The following CAPZA2 variants were observed in gnomAD, a reference collection of about 807,000 sequenced individuals.
CAPZA2 encodes the protein F-actin-capping protein subunit alpha-2.
Under a neutral mutation model 44.0 loss-of-function variants are expected in CAPZA2, and 13 were observed. That is an observed-to-expected ratio of 0.30 (90% CI 0.19 to 0.47). The LOEUF is 0.47. Among genes scored for constraint, CAPZA2 ranks in the 20% least tolerant of loss-of-function variants. The probability of loss-of-function intolerance (pLI) is 1.00; values close to 1 mark genes in which losing one functional copy is unlikely to be tolerated. For synonymous variants in CAPZA2, 94 were observed against 108.2 expected, an observed-to-expected ratio of 0.87 and a Z score of 0.81; for missense variants, 244 against 338.6, an observed-to-expected ratio of 0.72 and a Z score of 2.19.
At chr7:116,915,300 C>A (rs1386221638) in intron 8 of CAPZA2, among the ~76,000 whole-genome samples, 1 of 149,522 alleles carries the variant, frequency 6.7e-6, no homozygotes, top group Non-Finnish European at 1.5e-5. Context: ...GAGACCCTGT[C>A]TCAAAAAAAA....
rs551489016 is a variant in CAPZA2, at chr7:116,894,000, T to C, written c.155+955T>C. 2.0e-5 allele frequency among the ~76,000 whole-genome samples: 3 copies of C among 151,836 alleles called. No individual in the cohort carries two copies. In the East Asian group the frequency reaches 5.8e-4, roughly 29 times the overall value. On this transcript the variant is annotated intron_variant, in intron 3 of 9. Coordinates refer to ENST00000361183, the MANE Select transcript of CAPZA2 (RefSeq NM_006136.3). ...GAAAATGATGAAGTAGTGCATTCTT[T>C]CTTACAAAGAAAGTTTAGTATCCAT...
chr7:116,906,546 C>T, intron 6 of CAPZA2: 1 of 866,384 alleles, frequency 1.2e-6, no homozygotes, highest in African/African-American at 1.7e-5. Flanking sequence ...TGTTGACATT[C>T]AGTGGAAAGA....
chr7:116,909,286 GCT>G (rs1489259340), intron 6 of CAPZA2, among the ~76,000 whole-genome samples: 2 of 152,048 alleles, frequency 1.3e-5, no homozygotes, highest in African/African-American at 4.8e-5. Flanking sequence ...GTTCAAAAAA[GCT>G]AACATATTAG....
At position 116,904,969 on chromosome 7, in the gene CAPZA2, T is replaced by TAAAAAA. The variant is rs371485695; in HGVS notation, c.426+601_426+606dup. Among the ~76,000 whole-genome samples the TAAAAAA allele has an allele frequency of 2.2e-3, 208 of 95,546 alleles. 2 individuals carry two copies. Among genetic ancestry groups the TAAAAAA allele is most frequent in the Middle Eastern group, 5.4e-3 (1 of 186 alleles). 62.7% of individuals were successfully genotyped at this position (95,546 alleles called of 152,430 possible). A position where few individuals can be genotyped will look rare whatever the true frequency, so the allele number is the denominator to read the frequency against. ...AGCATGGTGAAACCCTGTCTCTACT[T>TAAAAAA]AAAAAAAAAAAAAAAAAAAACAATT... On this transcript the variant is annotated intron_variant, in intron 5 of 9. Coordinates refer to ENST00000361183, the MANE Select transcript of CAPZA2 (RefSeq NM_006136.3).
Position 116,916,034 on chromosome 7 carries a change from T to C in CAPZA2, c.658-26T>C, listed in dbSNP as rs140847187. ...TAGTGGTTTAGTTTTAAATTACTAT[T>C]TTTATTTTGTTTTTTTTTTTTTCAG... On this transcript the variant is annotated intron_variant, in intron 8 of 9. Transcript: ENST00000361183. The C allele has an allele frequency of 2.3e-5, 33 of 1,432,468 alleles. No homozygotes were observed. In the African/African-American group the frequency reaches 4.6e-4, roughly 20 times the overall value. 88.7% of individuals were successfully genotyped at this position (1,432,468 alleles called of 1,614,324 possible). A position where few individuals can be genotyped will look rare whatever the true frequency, so the allele number is the denominator to read the frequency against.
At chr7:116,879,201 A>T (rs1201630490) in intron 1 of CAPZA2, among the ~76,000 whole-genome samples, 3 of 151,138 alleles carry the variant, frequency 2.0e-5, no homozygotes, top group Non-Finnish European at 4.4e-5. Flanking sequence ...ATCTACTGCT[A>T]TTGCTGCTAA....
chr7:116,878,421 G>A (rs970625366), intron 1 of CAPZA2, among the ~76,000 whole-genome samples: 31 of 152,132 alleles, frequency 2.0e-4, no homozygotes, highest in African/African-American at 7.2e-4. Context: ...AGCTATATCA[G>A]AATAATCATA....
chr7:116,890,903 A>C (rs1174019760), intron 2 of CAPZA2, among the ~76,000 whole-genome samples: 1 of 151,860 alleles, frequency 6.6e-6, no homozygotes, highest in Non-Finnish European at 1.5e-5. Flanking sequence ...AAAAAGAGCC[A>C]CAAAATTTTA....
chr7:116,888,395 C>A (rs1796789903), intron 2 of CAPZA2: 1 of 423,968 alleles, frequency 2.4e-6, no homozygotes, highest in South Asian at 5.8e-5. Context: ...CAAATTAACC[C>A]TTTTAAAGCC....
intron 5 of CAPZA2, 22 bp downstream of exon 5, chr7:116,904,405 T>C (rs1327921001): frequency 4.1e-6 from 6 of 1,449,010 alleles, no homozygotes; most frequent in Non-Finnish European, 5.8e-6. Flanking sequence ...GTAGCAGCTT[T>C]GTGTGTGTGT....
intron 5 of CAPZA2, among the ~76,000 whole-genome samples, chr7:116,905,290 G>A (rs1447283260): frequency 2.6e-5 from 4 of 152,080 alleles, no homozygotes; most frequent in Admixed American, 6.5e-5. Flanking sequence ...CATTGCCAGA[G>A]TGATCTTTTG....
At chr7:116,862,782 C>T (rs907238787) in intron 1 of CAPZA2, 132 bp downstream of exon 1, 4 of 1,003,820 alleles carry the variant, frequency 4.0e-6, no homozygotes, top group East Asian at 6.2e-5. Flanking sequence ...CTTCCTCCCC[C>T]ATCCTTACTG....
intron 3 of CAPZA2, 72 bp downstream of exon 3, chr7:116,893,117 G>A (rs1796871687): frequency 2.0e-6 from 2 of 998,624 alleles, no homozygotes; most frequent in South Asian, 1.7e-5. Context: ...AAAGTGTGTG[G>A]GGGTTTTTTG....
intron 1 of CAPZA2, 40 bp downstream of exon 1, chr7:116,862,690 C>T (rs564548452): frequency 4.0e-6 from 6 of 1,508,214 alleles, no homozygotes; most frequent in South Asian, 1.2e-5. Flanking sequence ...TGTCAGGAGC[C>T]GGCTCAGCCC....
At chr7:116,904,556 A>G in intron 5 of CAPZA2, 173 bp downstream of exon 5, 2 of 567,102 alleles carry the variant, frequency 3.5e-6, no homozygotes. Flanking sequence ...TAATAAATAG[A>G]TATACTAGGA....
chr7:116,913,741 T>TTG (rs1791627664), intron 8 of CAPZA2, among the ~76,000 whole-genome samples: 1 of 150,516 alleles, frequency 6.6e-6, no homozygotes, highest in South Asian at 2.1e-4. Flanking sequence ...TAGCTGGGAC[T>TTG]ACAGGCACGT....
intron 4 of CAPZA2, among the ~76,000 whole-genome samples, chr7:116,900,922 A>G (rs1585011428): frequency 6.6e-6 from 1 of 152,168 alleles, no homozygotes; most frequent in Non-Finnish European, 1.5e-5. Context: ...GATCACCATC[A>G]CTGATAATTA....
intron 4 of CAPZA2, among the ~76,000 whole-genome samples, chr7:116,900,334 A>G (rs2076019744): frequency 6.6e-6 from 1 of 151,806 alleles, no homozygotes; most frequent in Non-Finnish European, 1.5e-5. Context: ...AATTTGGAAA[A>G]GAAAACTTAT....
chr7:116,891,827 A>T (rs931052149), intron 2 of CAPZA2, among the ~76,000 whole-genome samples: 15 of 152,278 alleles, frequency 9.9e-5, no homozygotes, highest in Admixed American at 5.2e-4. Context: ...TTGTTTTTTA[A>T]ATAAGGACCT....
Sources: allele counts gnomAD v4.1 joint callset (sites outside exome capture counted in the v4.1 genomes callset), GRCh38; gene constraint gnomAD v4.1.1; transcripts MANE v1.5; gene names NCBI Gene and HGNC (gene_info 2026-07-23, HGNC 2026-07-21).